BPTF: variants seen among roughly 807,000 people sequenced by gnomAD.
BPTF encodes nucleosome-remodeling factor subunit BPTF.
Under a neutral mutation model 292.5 loss-of-function variants are expected in BPTF, and 18 were observed. The observed-to-expected ratio is 0.06, with a 90% confidence interval of 0.04 to 0.09. BPTF has a LOEUF of 0.09. Ranked by LOEUF, BPTF falls within the 10% of genes least tolerant of loss-of-function variation. The pLI is 1.00. For synonymous variants in BPTF, 1,225 were observed against 1,251.9 expected (o/e 0.98, Z 0.45); for missense variants, 2,726 against 3,498.7 (o/e 0.78, Z 5.57).
intron 1 of BPTF, among the ~76,000 whole-genome samples, chr17:67,853,441 T>C (rs1021174605): frequency 6.6e-6 from 1 of 152,166 alleles, no homozygotes; most frequent in Non-Finnish European, 1.5e-5. Flanking sequence ...AAAAAAGAGG[T>C]CTGCACTGGG....
intron 27 of BPTF, among the ~76,000 whole-genome samples, chr17:67,977,182 G>A (rs1420825241): frequency 1.3e-5 from 2 of 152,132 alleles, no homozygotes; most frequent in Non-Finnish European, 2.9e-5. Flanking sequence ...AGTCATGTGA[G>A]GACTCAGGGC....
rs1361519929 is a variant in BPTF, at chr17:67,982,566, A to G, written c.*278A>G. 1 of 311,650 alleles carries G rather than the reference A, an allele frequency of 3.2e-6. No homozygotes were observed. The highest frequency in any genetic ancestry group is 5.9e-6 in the Non-Finnish European group (1 of 170,446). The allele number at this position is 311,650 out of a possible 1,614,324, so 19.3% of individuals were successfully genotyped here. ...TTTGTTTATTGAAAAAAAAAGAAAA[A>G]GAAAGCAAGAAAAAAAGATACTATG... On this transcript the variant is annotated 3_prime_UTR_variant, in exon 28 of 28. Coordinates refer to ENST00000306378, the MANE Select transcript of BPTF (RefSeq NM_182641.4).
intron 13 of BPTF, among the ~76,000 whole-genome samples, chr17:67,921,638 T>A (rs2063448546): frequency 6.6e-6 from 1 of 152,204 alleles, no homozygotes; most frequent in African/African-American, 2.4e-5. Flanking sequence ...TTTTTGAAAC[T>A]TGATTAAATT....
intron 23 of BPTF, among the ~76,000 whole-genome samples, chr17:67,958,935 G>A (rs569979730): frequency 6.6e-6 from 1 of 152,232 alleles, no homozygotes; most frequent in Non-Finnish European, 1.5e-5. Context: ...CCATTGACAA[G>A]AGCGAAACTG....
At chr17:67,841,165 C>T (rs185366540) in intron 1 of BPTF, among the ~76,000 whole-genome samples, 87 of 151,990 alleles carry the variant, frequency 5.7e-4, no homozygotes, top group South Asian at 3.3e-3. Flanking sequence ...CCCAGCACTT[C>T]GGGAGGCCAA....
At chr17:67,874,012 A>G (rs1821093663) in intron 3 of BPTF, among the ~76,000 whole-genome samples, 1 of 152,072 alleles carries the variant, frequency 6.6e-6, no homozygotes, top group East Asian at 1.9e-4. Context: ...GGATGGATGG[A>G]TGGATGGATG....
chr17:67,948,157 C>A lies in BPTF; in HGVS notation c.7777C>A (p.Arg2593=). Residue 2593 remains arginine, a synonymous_variant, in exon 23 of 28, where the codon CGG becomes AGG. Transcript: ENST00000306378. ...AGAAGAAAAACAGGCAGCAAAAAAA[C>A]GGAAGCGTGAAGAGAGTGTGGAGCA... is the stretch of plus-strand genomic sequence containing the variant. ...DKEEKQAAKK[R]KREESVEQKR... The A allele has an allele frequency of 6.2e-7, 1 of 1,614,114 alleles. No individual in the cohort carries two copies.
At position 67,874,898 on chromosome 17, in the gene BPTF, A is replaced by G. The variant is rs763394557; in HGVS notation, c.1742A>G (p.Asn581Ser). 6 of 1,613,884 alleles carry G rather than the reference A, an allele frequency of 3.7e-6. No homozygotes were observed. Among genetic ancestry groups the G allele is most frequent in the Non-Finnish European group, 5.1e-6 (6 of 1,179,866 alleles). Residue 581 changes from asparagine to serine, a missense_variant, in exon 4 of 28, where the codon AAT (asparagine) becomes AGT (serine). By Grantham distance (46) the Asn-to-Ser change is conservative. Around this residue, in one of 22 missense-constraint regions of BPTF, gnomAD observed 187 missense variants for 201.5 expected, o/e 0.93. Coordinates refer to ENST00000306378, the MANE Select transcript of BPTF (RefSeq NM_182641.4). Reference sequence around the variant, plus strand: ...CCAGAAGAAACAGAAAAAGACAAGAATGAGACTGAGAATGACTCTAAAGAT... The same window carrying G: ...CCAGAAGAAACAGAAAAAGACAAGAGTGAGACTGAGAATGACTCTAAAGAT... ...KSPEETEKDK[N>S]ETENDSKDAE...
intron 1 of BPTF, among the ~76,000 whole-genome samples, chr17:67,826,646 G>T (rs573068064): frequency 1.3e-4 from 20 of 151,066 alleles, no homozygotes; most frequent in Admixed American, 9.9e-4. Context: ...CACCGGGCAG[G>T]ATTGAAACTT....
chr17:67,966,544 C>A, intron 25 of BPTF, 28 bp from the exon 26 acceptor site: 1 of 1,595,300 alleles, frequency 6.3e-7, no homozygotes, highest in South Asian at 1.1e-5. Context: ...TTTTCACTGA[C>A]AATAATGATG....
chr17:67,860,756 A>G (rs1405524894), intron 2 of BPTF, among the ~76,000 whole-genome samples: 1 of 152,194 alleles, frequency 6.6e-6, no homozygotes, highest in Non-Finnish European at 1.5e-5. Context: ...ACAGAGTCTC[A>G]CTATGTTGCC....
intron 4 of BPTF, chr17:67,891,535 TTA>T (rs1240659821): frequency 9.8e-6 from 2 of 204,530 alleles, no homozygotes; most frequent in East Asian, 1.1e-4. Flanking sequence ...TGAGTTATTA[TTA>T]TGTTTGTTAC....
chr17:67,890,762 G>A (rs770204988), intron 4 of BPTF, among the ~76,000 whole-genome samples: 2 of 152,166 alleles, frequency 1.3e-5, no homozygotes, highest in African/African-American at 4.8e-5. Context: ...TCCCCAAAAT[G>A]CATAGCCAGT....
intron 1 of BPTF, among the ~76,000 whole-genome samples, chr17:67,832,940 A>G (rs1256282829): frequency 1.3e-5 from 2 of 149,250 alleles, no homozygotes; most frequent in Non-Finnish European, 3.0e-5. Context: ...GGCACCTGCC[A>G]CTGTGCCTGG....
intron 26 of BPTF, among the ~76,000 whole-genome samples, chr17:67,970,991 GCAGTGGCGC>G (rs2068693868): frequency 6.6e-6 from 1 of 152,240 alleles, no homozygotes; most frequent in South Asian, 2.1e-4. Flanking sequence ...AGGCTGGAGT[GCAGTGGCGC>G]CATCACCAGC....
chr17:67,835,702 G>T (rs1384612659), intron 1 of BPTF, among the ~76,000 whole-genome samples: 1 of 145,322 alleles, frequency 6.9e-6, no homozygotes, highest in Non-Finnish European at 1.5e-5. Context: ...GTCTCGCTCT[G>T]TCGCCCAGGC....
intron 25 of BPTF, among the ~76,000 whole-genome samples, chr17:67,964,853 G>C (rs1281326147): frequency 7.9e-5 from 12 of 151,530 alleles, no homozygotes; most frequent in Non-Finnish European, 1.5e-4. Flanking sequence ...CAAAAAATTA[G>C]CTGGGCGTGG....
intron 23 of BPTF, among the ~76,000 whole-genome samples, chr17:67,958,986 A>G (rs1160755667): frequency 6.6e-6 from 1 of 152,168 alleles, no homozygotes; most frequent in Non-Finnish European, 1.5e-5. Flanking sequence ...GTTATCTTTT[A>G]AAAAAAGAAA....
intron 1 of BPTF, among the ~76,000 whole-genome samples, chr17:67,851,084 A>G (rs137934373): frequency 0.016 from 2,453 of 152,206 alleles, 62 homozygotes; most frequent in African/African-American, 0.052. Context: ...CTGGGAAGCA[A>G]CAGCCTGGGC....
Sources: allele counts gnomAD v4.1 joint callset (sites outside exome capture counted in the v4.1 genomes callset), GRCh38; gene constraint gnomAD v4.1.1; regional missense constraint gnomAD v4.1.1; transcripts MANE v1.5; gene names NCBI Gene and HGNC (gene_info 2026-07-23, HGNC 2026-07-21).